Variants in CSMD3 observed in about 807,000 individuals in gnomAD.
The protein encoded by CSMD3 is CUB and Sushi multiple domains 3.
Under a neutral mutation model 435.2 loss-of-function variants are expected in CSMD3, and 177 were observed. The observed-to-expected ratio is 0.41, with a 90% confidence interval of 0.36 to 0.46. The LOEUF is 0.46. CSMD3 is among the 20% of genes least tolerant of loss of function. CSMD3 has a pLI of 0.34. For synonymous variants in CSMD3, 1,656 were observed against 1,520.5 expected (o/e 1.09, Z -2.07); for missense variants, 4,265 against 4,504.6 (o/e 0.95, Z 1.52).
intron 28 of CSMD3, among the ~76,000 whole-genome samples, chr8:112,510,698 T>C (rs975762340): frequency 2.6e-5 from 4 of 152,216 alleles, no homozygotes; most frequent in East Asian, 1.9e-4. Context: ...CTGGTATCCA[T>C]AGTAACCTCT....
At chr8:112,921,034 C>CATAT (rs549728904) in intron 10 of CSMD3, among the ~76,000 whole-genome samples, 1 of 129,838 alleles carries the variant, frequency 7.7e-6, no homozygotes, top group African/African-American at 2.9e-5. Flanking sequence ...CACACACACA[C>CATAT]ATATATATAC....
At chr8:112,439,133 A>G (rs1814699168) in intron 32 of CSMD3, among the ~76,000 whole-genome samples, 1 of 152,090 alleles carries the variant, frequency 6.6e-6, no homozygotes, top group Non-Finnish European at 1.5e-5. Flanking sequence ...GCAGTGTGAT[A>G]TACTTTTGTT....
intron 3 of CSMD3, among the ~76,000 whole-genome samples, chr8:113,217,363 A>G (rs1361785396): frequency 6.6e-6 from 1 of 151,664 alleles, no homozygotes; most frequent in African/African-American, 2.4e-5. Flanking sequence ...TGATCAGACA[A>G]AATAGGATTC....
At chr8:113,131,067 T>C (rs2091272270) in intron 4 of CSMD3, among the ~76,000 whole-genome samples, 1 of 152,110 alleles carries the variant, frequency 6.6e-6, no homozygotes, top group South Asian at 2.1e-4. Flanking sequence ...CTCATACACA[T>C]GATGAAAGAG....
intron 32 of CSMD3, among the ~76,000 whole-genome samples, chr8:112,454,851 C>G (rs1816666491): frequency 6.6e-6 from 1 of 151,922 alleles, no homozygotes; most frequent in South Asian, 2.1e-4. Context: ...AAAAACTGGA[C>G]TCAGCATCTT....
At chr8:112,309,152 GA>G (rs1170060466) in intron 50 of CSMD3, among the ~76,000 whole-genome samples, 2 of 151,704 alleles carry the variant, frequency 1.3e-5, no homozygotes, top group African/African-American at 2.4e-5. Flanking sequence ...TAAGGACATT[GA>G]AAAAATGACT....
In CSMD3 at chr8:112,431,027, A is replaced by G. The variant is rs540874667; in HGVS notation, c.5396-21995T>C. Among the ~76,000 whole-genome samples, 3 of 152,150 alleles carry G rather than the reference A, an allele frequency of 2.0e-5. No homozygotes were observed. In the South Asian group the frequency reaches 6.2e-4, roughly 32 times the overall value. ...TTGTGCAAGCTCTGCCAGCCCCAAA[A>G]TGTGGCTCTGAAGATAACTTTAGAA... On this transcript the variant is annotated intron_variant, in intron 32 of 70. Coordinates refer to ENST00000297405, the MANE Select transcript of CSMD3 (RefSeq NM_198123.2).
At chr8:112,696,918 T>C (rs1348541481) in intron 13 of CSMD3, among the ~76,000 whole-genome samples, 2 of 152,026 alleles carry the variant, frequency 1.3e-5, no homozygotes, top group East Asian at 1.9e-4. Context: ...GGGCAAAGGA[T>C]ATGAACAGAC....
At chr8:112,737,210 A>T (rs958308404) in intron 13 of CSMD3, among the ~76,000 whole-genome samples, 1 of 151,934 alleles carries the variant, frequency 6.6e-6, no homozygotes, top group Non-Finnish European at 1.5e-5. Flanking sequence ...CATATATAAC[A>T]CAATATATTT....
intron 40 of CSMD3, among the ~76,000 whole-genome samples, chr8:112,349,674 G>A (rs1386751778): frequency 1.3e-5 from 2 of 151,884 alleles, no homozygotes; most frequent in Non-Finnish European, 2.9e-5. Context: ...TATATATGAG[G>A]TAATTTTAAA....
chr8:112,268,409 T>C (rs1233969174), intron 59 of CSMD3, among the ~76,000 whole-genome samples: 2 of 152,218 alleles, frequency 1.3e-5, no homozygotes, highest in South Asian at 2.1e-4. Flanking sequence ...ATTGTGGTAA[T>C]TCTAGTCAAT....
intron 30 of CSMD3, among the ~76,000 whole-genome samples, chr8:112,499,773 T>A (rs974787293): frequency 3.3e-5 from 5 of 152,180 alleles, no homozygotes; most frequent in Non-Finnish European, 7.3e-5. Context: ...CATAGCAGCT[T>A]AAGAGGTTCT....
chr8:113,422,024 C>T (rs1309792781), intron 1 of CSMD3, among the ~76,000 whole-genome samples: 2 of 152,136 alleles, frequency 1.3e-5, no homozygotes, highest in East Asian at 3.9e-4. Context: ...GAAATTTCTC[C>T]CAGGTCATTG....
chr8:112,473,649 T>G (rs2130760753), intron 31 of CSMD3, among the ~76,000 whole-genome samples: 1 of 151,814 alleles, frequency 6.6e-6, no homozygotes, highest in East Asian at 1.9e-4. Context: ...AAAAGAAGTC[T>G]GGGTTGACTT....
chr8:112,952,613 A>G (rs1196738058), intron 8 of CSMD3, among the ~76,000 whole-genome samples: 1 of 151,556 alleles, frequency 6.6e-6, no homozygotes, highest in African/African-American at 2.4e-5. Flanking sequence ...AACAAATTAT[A>G]GTAAAATGAA....
intron 13 of CSMD3, among the ~76,000 whole-genome samples, chr8:112,747,985 A>C (rs2077479421): frequency 7.0e-6 from 1 of 142,144 alleles, no homozygotes; most frequent in Non-Finnish European, 1.5e-5. Flanking sequence ...AAAAAAAAAA[A>C]ACAGGCATCA....
chr8:112,564,084 C>T (rs1252104249), intron 24 of CSMD3, among the ~76,000 whole-genome samples: 6 of 151,514 alleles, frequency 4.0e-5, no homozygotes, highest in Admixed American at 3.3e-4. Flanking sequence ...TTTTTTTATT[C>T]TGCTGAACTT....
At chr8:113,115,855 C>T (rs535289510) in intron 4 of CSMD3, among the ~76,000 whole-genome samples, 2 of 152,186 alleles carry the variant, frequency 1.3e-5, no homozygotes, top group South Asian at 2.1e-4. Flanking sequence ...GACAGGGGGC[C>T]CTTTTGTAGG....
intron 1 of CSMD3, among the ~76,000 whole-genome samples, chr8:113,391,960 A>T (rs2094462975): frequency 6.6e-6 from 1 of 152,056 alleles, no homozygotes. Flanking sequence ...GTCTACATGC[A>T]TTACTGTAAT....
Sources: allele counts gnomAD v4.1 joint callset (sites outside exome capture counted in the v4.1 genomes callset), GRCh38; gene constraint gnomAD v4.1.1; transcripts MANE v1.5; gene names NCBI Gene and HGNC (gene_info 2026-07-23, HGNC 2026-07-21).